WIF1: variants seen among roughly 807,000 people sequenced by gnomAD.
WIF1 encodes Wnt inhibitory factor 1.
WIF1 carries 35 observed loss-of-function variants against 53.5 expected under a neutral mutation model. The ratio of observed to expected loss-of-function variants is 0.65; its 90% confidence interval spans 0.50 to 0.87. The LOEUF (loss-of-function observed/expected upper bound fraction) is 0.87, where lower values mean the gene tolerates loss of function less well. Among genes scored for constraint, WIF1 ranks in the 40% least tolerant of loss-of-function variants. The probability of loss-of-function intolerance (pLI) is 0.00; values close to 1 mark genes in which losing one functional copy is unlikely to be tolerated. For synonymous variants in WIF1, 171 were observed against 170.4 expected (o/e 1.00, Z -0.03); for missense variants, 467 against 476.8 (o/e 0.98, Z 0.19).
intron 3 of WIF1, among the ~76,000 whole-genome samples, chr12:65,069,641 G>A (rs1393984040): frequency 6.6e-6 from 1 of 152,112 alleles, no homozygotes; most frequent in African/African-American, 2.4e-5. Context: ...TTAAAGAGAA[G>A]CTTCTCTTTC....
intron 2 of WIF1, among the ~76,000 whole-genome samples, chr12:65,118,877 G>GGAGA (rs113774958): frequency 0.42 from 63,005 of 151,256 alleles, 14,529 homozygotes; most frequent in African/African-American, 0.63. Flanking sequence ...AGGGAGAGGG[G>GGAGA]GAGAGAGAGA....
intron 2 of WIF1, among the ~76,000 whole-genome samples, chr12:65,094,415 G>A (rs1883170480): frequency 6.6e-6 from 1 of 152,042 alleles, no homozygotes; most frequent in Non-Finnish European, 1.5e-5. Flanking sequence ...CAAATGCCTG[G>A]GAAGCCATTA....
chr12:65,108,070 C>T (rs897355577), intron 2 of WIF1, among the ~76,000 whole-genome samples: 1 of 152,220 alleles, frequency 6.6e-6, no homozygotes, highest in Admixed American at 6.5e-5. Flanking sequence ...ACTCCTCCCC[C>T]AGCCGAGTTA....
Position 65,051,302 on chromosome 12 carries a change from A to G in WIF1, c.*47T>C, listed in dbSNP as rs1204442461. On this transcript the variant is annotated 3_prime_UTR_variant, in exon 10 of 10. Transcript: ENST00000286574. ...AACATTCAACACATGAAAGGTTAAC[A>G]AAGGCTATGAACTTGGTGTAACTTA... 2 of 1,582,072 alleles carry G rather than the reference A, an allele frequency of 1.3e-6. No individual in the cohort carries two copies. Among genetic ancestry groups the G allele is most frequent in the Non-Finnish European group, 1.7e-6 (2 of 1,163,420 alleles).
intron 6 of WIF1, among the ~76,000 whole-genome samples, chr12:65,064,998 A>G (rs895917363): frequency 6.6e-5 from 10 of 152,206 alleles, no homozygotes; most frequent in African/African-American, 2.4e-4. Context: ...AATAGCAGAG[A>G]CACTGAATGC....
intron 2 of WIF1, among the ~76,000 whole-genome samples, chr12:65,086,609 GA>G (rs1883041746): frequency 6.6e-6 from 1 of 151,880 alleles, no homozygotes; most frequent in Non-Finnish European, 1.5e-5. Context: ...GAGGTGCCCA[GA>G]AAGCAGCAGT....
At chr12:65,109,834 T>C (rs531362228) in intron 2 of WIF1, among the ~76,000 whole-genome samples, 1 of 151,720 alleles carries the variant, frequency 6.6e-6, no homozygotes, top group Non-Finnish European at 1.5e-5. Context: ...ACTATGAAGA[T>C]TCACTGAAGA....
intron 7 of WIF1, 26 bp from the exon 8 acceptor site, chr12:65,056,152 A>G (rs772476755): frequency 6.2e-7 from 1 of 1,602,148 alleles, no homozygotes; most frequent in East Asian, 2.2e-5. Context: ...ATGCAGCTAA[A>G]CAAGGAACCT....
intron 9 of WIF1, among the ~76,000 whole-genome samples, chr12:65,052,214 G>T (rs1158585684): frequency 6.6e-6 from 1 of 152,164 alleles, no homozygotes; most frequent in Non-Finnish European, 1.5e-5. Flanking sequence ...GCATCTTCTT[G>T]TGCATCTGAG....
At chr12:65,109,550 G>C (rs544933231) in intron 2 of WIF1, among the ~76,000 whole-genome samples, 113 of 152,294 alleles carry the variant, frequency 7.4e-4, no homozygotes, top group African/African-American at 2.6e-3. Flanking sequence ...TCCCCAGCTG[G>C]TGACTTCCTG....
intron 2 of WIF1, among the ~76,000 whole-genome samples, chr12:65,093,651 T>C (rs926603846): frequency 2.0e-5 from 3 of 152,132 alleles, no homozygotes; most frequent in African/African-American, 7.2e-5. Context: ...TTAGTCAAGC[T>C]GATTCATTAA....
chr12:65,111,663 G>A (rs1270821011), intron 2 of WIF1, among the ~76,000 whole-genome samples: 1 of 152,128 alleles, frequency 6.6e-6, no homozygotes, highest in Non-Finnish European at 1.5e-5. Flanking sequence ...TCCAGGAATT[G>A]TTAAGGGGAT....
intron 3 of WIF1, among the ~76,000 whole-genome samples, chr12:65,075,682 G>A (rs2136620252): frequency 6.6e-6 from 1 of 152,206 alleles, no homozygotes; most frequent in South Asian, 2.1e-4. Context: ...GCATATGAAA[G>A]TTATAACTTA....
At chr12:65,062,141 G>C (rs978345428) in intron 7 of WIF1, among the ~76,000 whole-genome samples, 3 of 152,164 alleles carry the variant, frequency 2.0e-5, no homozygotes, top group African/African-American at 7.2e-5. Context: ...CCAGAGCTCT[G>C]ATCTACATTT....
chr12:65,113,230 G>T (rs567858933), intron 2 of WIF1, among the ~76,000 whole-genome samples: 1 of 152,108 alleles, frequency 6.6e-6, no homozygotes, highest in Non-Finnish European at 1.5e-5. Flanking sequence ...AACTGATAAG[G>T]CCTCTTCCAG....
intron 2 of WIF1, among the ~76,000 whole-genome samples, chr12:65,115,306 C>A (rs73312860): frequency 0.16 from 24,394 of 151,842 alleles, 2,669 homozygotes; most frequent in African/African-American, 0.3. Flanking sequence ...ATCTATGTGA[C>A]CTTTGTAAGT....
At chr12:65,090,250 T>A (rs537271094) in intron 2 of WIF1, among the ~76,000 whole-genome samples, 185 of 152,030 alleles carry the variant, frequency 1.2e-3, no homozygotes, top group African/African-American at 4.3e-3. Context: ...CTGGGGAGAA[T>A]GTGGGTGAAG....
chr12:65,106,392 G>GT (rs1883353517), intron 2 of WIF1, among the ~76,000 whole-genome samples: 1 of 146,344 alleles, frequency 6.8e-6, no homozygotes, highest in Non-Finnish European at 1.5e-5. Context: ...TATTTTTTTT[G>GT]TTTTTGAGAT....
At chr12:65,065,174 CATATTATCTCAATA>C (rs1344335789) in intron 6 of WIF1, among the ~76,000 whole-genome samples, 1 of 152,088 alleles carries the variant, frequency 6.6e-6, no homozygotes, top group Non-Finnish European at 1.5e-5. Context: ...AATGCTTTCA[CATATTATCTCAATA>C]TAGTTATAAT....
Sources: gnomAD v4.1 joint callset for allele counts (sites outside exome capture counted in the v4.1 genomes callset) on GRCh38, gnomAD v4.1.1 for gene constraint, MANE v1.5 for transcripts, NCBI Gene and HGNC (gene_info 2026-07-23, HGNC 2026-07-21) for gene names.